The following WWTR1 variants were observed in gnomAD, a reference collection of about 807,000 sequenced individuals.
WWTR1 encodes WW domain containing transcription regulator 1, also known as WW domain-containing transcription regulator protein 1.
Under a neutral mutation model 40.1 loss-of-function variants are expected in WWTR1, and 13 were observed. That is an observed-to-expected ratio of 0.32 (90% CI 0.21 to 0.52). The LOEUF (loss-of-function observed/expected upper bound fraction) is 0.52. Among genes scored for constraint, WWTR1 ranks in the 20% least tolerant of loss-of-function variants. The pLI is 0.97. For missense variants in WWTR1, 436 were observed against 523.1 expected, an observed-to-expected ratio of 0.83 and a Z score of 1.63; for synonymous variants, 230 against 210.1, an observed-to-expected ratio of 1.09 and a Z score of -0.82.
intron 2 of WWTR1, among the ~76,000 whole-genome samples, chr3:149,588,485 T>C (rs1738535629): frequency 6.6e-6 from 1 of 152,206 alleles, no homozygotes; most frequent in Non-Finnish European, 1.5e-5. Context: ...ATCTTTAGTG[T>C]ATGATGATAG....
intron 2 of WWTR1, among the ~76,000 whole-genome samples, chr3:149,653,732 TG>T (rs1024915546): frequency 3.3e-5 from 5 of 152,038 alleles, no homozygotes; most frequent in African/African-American, 1.2e-4. Flanking sequence ...GGAAGTGACA[TG>T]GGGGAAAGGT....
chr3:149,575,757 G>A (rs918110511), intron 2 of WWTR1, among the ~76,000 whole-genome samples: 4 of 152,170 alleles, frequency 2.6e-5, no homozygotes, highest in African/African-American at 9.7e-5. Context: ...GGAACATCTA[G>A]CATAGGAAGC....
intron 2 of WWTR1, among the ~76,000 whole-genome samples, chr3:149,615,402 C>G (rs938043941): frequency 2.6e-5 from 4 of 152,112 alleles, no homozygotes; most frequent in Non-Finnish European, 5.9e-5. Context: ...AAATTTAAAA[C>G]ATTTCTAAAA....
chr3:149,637,389 C>CTAATTTTTTTTTTGTATTT (rs1038492306), intron 2 of WWTR1, among the ~76,000 whole-genome samples: 2 of 151,786 alleles, frequency 1.3e-5, no homozygotes, highest in African/African-American at 2.4e-5. Context: ...CCATGCCCAG[C>CTAATTTTTTTTTTGTATTT]TAATTTTTTT....
At chr3:149,576,807 T>C (rs928569186) in intron 2 of WWTR1, among the ~76,000 whole-genome samples, 2 of 152,226 alleles carry the variant, frequency 1.3e-5, no homozygotes, top group South Asian at 2.1e-4. Context: ...GCAGTGATTA[T>C]GTATTGTTTT....
At chr3:149,618,643 A>G (rs972470430) in intron 2 of WWTR1, among the ~76,000 whole-genome samples, 1 of 152,258 alleles carries the variant, frequency 6.6e-6, no homozygotes, top group Admixed American at 6.5e-5. Context: ...ATGTGAAAAA[A>G]TATCATCGAA....
chr3:149,706,593 C>T (rs557800892), upstream of WWTR1, among the ~76,000 whole-genome samples: 1 of 152,268 alleles, frequency 6.6e-6, no homozygotes, highest in Admixed American at 6.5e-5. Flanking sequence ...GCTGAGATTA[C>T]AGGAGGTTGG....
chr3:149,548,075 T>C (rs1365017901), intron 3 of WWTR1, among the ~76,000 whole-genome samples: 1 of 147,858 alleles, frequency 6.8e-6, no homozygotes, highest in Non-Finnish European at 1.5e-5. Flanking sequence ...GGTGGGGTTA[T>C]TTACGTAGGA....
chr3:149,589,498 C>T (rs1738596061), intron 2 of WWTR1, among the ~76,000 whole-genome samples: 1 of 152,190 alleles, frequency 6.6e-6, no homozygotes, highest in Admixed American at 6.5e-5. Flanking sequence ...CACTATGAGG[C>T]ACATCCTGCC....
At chr3:149,601,995 G>A (rs1739267965) in intron 2 of WWTR1, among the ~76,000 whole-genome samples, 1 of 152,168 alleles carries the variant, frequency 6.6e-6, no homozygotes, top group Admixed American at 6.5e-5. Context: ...GTTGTGGAAA[G>A]TCTTATTTCT....
intron 3 of WWTR1, among the ~76,000 whole-genome samples, chr3:149,557,728 C>G (rs1238236026): frequency 6.6e-6 from 1 of 152,060 alleles, no homozygotes; most frequent in Non-Finnish European, 1.5e-5. Context: ...TTTGGCCAGG[C>G]ACAGTGGCTC....
chr3:149,658,937 T>C (rs560886413), upstream of WWTR1, among the ~76,000 whole-genome samples: 1 of 152,054 alleles, frequency 6.6e-6, no homozygotes, highest in Admixed American at 6.5e-5. Flanking sequence ...TGGCTGGAAG[T>C]AGAGAGGGTG....
chr3:149,587,121 A>G (rs1222250337), intron 2 of WWTR1, among the ~76,000 whole-genome samples: 3 of 152,168 alleles, frequency 2.0e-5, no homozygotes, highest in East Asian at 3.9e-4. Flanking sequence ...GTAGCTTGCA[A>G]TTGGCATCTA....
intron 2 of WWTR1, among the ~76,000 whole-genome samples, chr3:149,648,231 G>A (rs894818473): frequency 6.6e-6 from 1 of 152,176 alleles, no homozygotes; most frequent in African/African-American, 2.4e-5. Flanking sequence ...ACAATGGAAT[G>A]CCATTTCCAA....
rs757151853 is a variant in WWTR1, at chr3:149,615,509, T to C, written c.431+41367A>G. Reference sequence around the variant, plus strand: ...GGGAAATTATCATACTGTTCTCTTATGGATATTTGAATATTTCCATAATAC... The same window carrying C: ...GGGAAATTATCATACTGTTCTCTTACGGATATTTGAATATTTCCATAATAC... On this transcript the variant is annotated intron_variant, in intron 2 of 6. Transcript: ENST00000360632. 3.9e-5 allele frequency among the ~76,000 whole-genome samples: 6 copies of C among 152,252 alleles called. No individual in the cohort carries two copies. In the South Asian group the frequency reaches 8.3e-4, roughly 21 times the overall value.
At chr3:149,554,180 T>A (rs561618016) in intron 3 of WWTR1, among the ~76,000 whole-genome samples, 1 of 152,264 alleles carries the variant, frequency 6.6e-6, no homozygotes, top group South Asian at 2.1e-4. Context: ...TGGGTGAGAA[T>A]AACTGCAAGG....
intron 2 of WWTR1, among the ~76,000 whole-genome samples, chr3:149,622,544 A>AGAAG (rs71135700): frequency 2.9e-5 from 4 of 137,584 alleles, no homozygotes; most frequent in African/African-American, 1.1e-4. Context: ...AAAGAAAGAA[A>AGAAG]AAGAAAGCAA....
At chr3:149,549,116 T>G (rs1483760498) in intron 3 of WWTR1, among the ~76,000 whole-genome samples, 1 of 152,234 alleles carries the variant, frequency 6.6e-6, no homozygotes, top group Non-Finnish European at 1.5e-5. Context: ...AAATCATTTA[T>G]GTAGACACAC....
chr3:149,571,204 T>G (rs906053035), intron 3 of WWTR1, among the ~76,000 whole-genome samples: 1 of 144,152 alleles, frequency 6.9e-6, no homozygotes, highest in South Asian at 2.2e-4. Context: ...TTTGAATTTT[T>G]TTTTCTTTTC....
Sources: allele counts gnomAD v4.1 joint callset (sites outside exome capture counted in the v4.1 genomes callset), GRCh38; gene constraint gnomAD v4.1.1; transcripts MANE v1.5; gene names NCBI Gene and HGNC (gene_info 2026-07-23, HGNC 2026-07-21).